The following IKZF1 variants were observed in gnomAD, a reference collection of about 807,000 sequenced individuals.
IKZF1 encodes DNA-binding protein Ikaros.
IKZF1 carries 10 observed loss-of-function variants against 51.7 expected under a neutral mutation model. That is an observed-to-expected ratio of 0.19 (90% CI 0.12 to 0.33). The LOEUF (loss-of-function observed/expected upper bound fraction) is 0.33. Ranked by LOEUF, IKZF1 falls within the 10% of genes least tolerant of loss-of-function variation. The probability of loss-of-function intolerance (pLI) is 1.00; values close to 1 mark genes in which losing one functional copy is unlikely to be tolerated. For synonymous variants in IKZF1, 280 were observed against 282.3 expected (o/e 0.99, Z 0.08); for missense variants, 484 against 707.5 (o/e 0.68, Z 3.58).
intron 3 of IKZF1, among the ~76,000 whole-genome samples, chr7:50,335,239 G>T (rs1399707767): frequency 6.7e-6 from 1 of 148,820 alleles, no homozygotes; most frequent in African/African-American, 2.5e-5. Context: ...TGTGTGAGAT[G>T]TGTGGTGTGT....
intron 2 of IKZF1, among the ~76,000 whole-genome samples, chr7:50,319,476 A>T (rs1035489316): frequency 1.3e-5 from 2 of 152,216 alleles, no homozygotes; most frequent in African/African-American, 4.8e-5. Context: ...GGGCACAGTC[A>T]TGACTGTTTG....
chr7:50,330,074 G>C (rs1796105304), intron 3 of IKZF1, among the ~76,000 whole-genome samples: 1 of 152,186 alleles, frequency 6.6e-6, no homozygotes. Flanking sequence ...TCCCAGAGCT[G>C]TCTTTTGGTT....
At chr7:50,322,534 C>T (rs1793669781) in intron 2 of IKZF1, among the ~76,000 whole-genome samples, 1 of 152,166 alleles carries the variant, frequency 6.6e-6, no homozygotes, top group African/African-American at 2.4e-5. Flanking sequence ...CCACAGGGTA[C>T]TGAGAAAATG....
chr7:50,327,957 G>A (rs1035961399), intron 3 of IKZF1, 200 bp downstream of exon 3: 29 of 602,194 alleles, frequency 4.8e-5, no homozygotes, highest in African/African-American at 2.8e-4. Flanking sequence ...CAGCATGGCC[G>A]TGAGAGCCAC....
intron 3 of IKZF1, chr7:50,369,512 C>T (rs1407330740): frequency 2.5e-6 from 1 of 398,510 alleles, no homozygotes; most frequent in Non-Finnish European, 4.4e-6. Context: ...TTCTCTCCCA[C>T]TCTCCCCAGT....
intron 6 of IKZF1, among the ~76,000 whole-genome samples, chr7:50,389,118 A>G (rs1480711779): frequency 1.3e-5 from 2 of 152,232 alleles, no homozygotes; most frequent in African/African-American, 4.8e-5. Flanking sequence ...CACTCATTTC[A>G]CTGAGACCTG....
chr7:50,325,432 T>A (rs916015401), intron 2 of IKZF1, among the ~76,000 whole-genome samples: 10 of 152,232 alleles, frequency 6.6e-5, no homozygotes, highest in African/African-American at 2.4e-4. Context: ...TCCCCATTTA[T>A]GAAAGAGGTG....
chr7:50,401,334 A>G lies in IKZF1; in HGVS notation c.*707A>G, dbSNP rs185497570. On this transcript the variant is annotated 3_prime_UTR_variant, in exon 8 of 8. Coordinates refer to ENST00000331340, the MANE Select transcript of IKZF1 (RefSeq NM_006060.6). ...GAGCCTTTGGGATCGTCCTGGATTCACTGGCTTTGCGGAGGCTGCTCAGAT... is the reference window on the plus strand; with the variant it reads ...GAGCCTTTGGGATCGTCCTGGATTCGCTGGCTTTGCGGAGGCTGCTCAGAT... 3.8e-4 allele frequency: 88 copies of G among 229,914 alleles called. No individual in the cohort carries two copies. The East Asian group carries it at 4.4e-3, about 11-fold the overall frequency. The allele number at this position is 229,914 out of a possible 1,614,324, so 14.2% of individuals were successfully genotyped here.
At chr7:50,357,820 T>C (rs1196180249) in intron 3 of IKZF1, among the ~76,000 whole-genome samples, 2 of 152,046 alleles carry the variant, frequency 1.3e-5, no homozygotes, top group Non-Finnish European at 2.9e-5. Context: ...AGGCAACGAG[T>C]TAAGAAATGG....
chr7:50,340,370 A>C (rs1798796337), intron 3 of IKZF1, among the ~76,000 whole-genome samples: 1 of 152,148 alleles, frequency 6.6e-6, no homozygotes, highest in Non-Finnish European at 1.5e-5. Flanking sequence ...GTCGATTTCC[A>C]CTGAAATCAC....
At chr7:50,346,324 A>T (rs1384713307) in intron 3 of IKZF1, among the ~76,000 whole-genome samples, 7 of 152,198 alleles carry the variant, frequency 4.6e-5, no homozygotes, top group Admixed American at 3.9e-4. Context: ...GAGGCAGCCC[A>T]CTTACGGAAG....
intron 4 of IKZF1, among the ~76,000 whole-genome samples, chr7:50,379,311 C>G (rs958869026): frequency 6.6e-6 from 1 of 152,248 alleles, no homozygotes; most frequent in African/African-American, 2.4e-5. Flanking sequence ...TGTTCCTCCT[C>G]CTGCCCATGG....
chr7:50,377,909 G>A (rs1235570544), intron 4 of IKZF1, among the ~76,000 whole-genome samples: 5 of 152,120 alleles, frequency 3.3e-5, no homozygotes, highest in Admixed American at 6.5e-5. Flanking sequence ...GTCTCCCACT[G>A]CAAAACCCAA....
In IKZF1 at chr7:50,400,372, C is replaced by T. The variant is rs1817848862; in HGVS notation, c.1305C>T (p.Tyr435=). 1.2e-6 allele frequency: 2 copies of T among 1,613,130 alleles called. No individual in the cohort carries two copies. Among genetic ancestry groups the T allele is most frequent in the Non-Finnish European group, 8.5e-7 (1 of 1,179,770 alleles). The part of the protein sequence containing the change: ...GLSLKEEHRA[Y]DLLRAASENS... ...CGCTCAAGGAGGAGCACCGCGCCTA[C>T]GACCTGCTGCGCGCCGCCTCCGAGA... Residue 435 remains tyrosine, a synonymous_variant, in exon 8 of 8, where the codon TAC becomes TAT. Coordinates refer to ENST00000331340, the MANE Select transcript of IKZF1 (RefSeq NM_006060.6). This position sits in a 1 kb window ranked among gnomAD's most constrained non-coding sequence, Gnocchi z 5.4.
At chr7:50,323,932 G>T (rs913467068) in intron 2 of IKZF1, among the ~76,000 whole-genome samples, 1 of 152,164 alleles carries the variant, frequency 6.6e-6, no homozygotes, top group Non-Finnish European at 1.5e-5. Flanking sequence ...GAGGAAAGGA[G>T]TCTTAAAAAA....
chr7:50,311,142 T>C (rs1053158223), intron 1 of IKZF1, among the ~76,000 whole-genome samples: 3 of 152,208 alleles, frequency 2.0e-5, no homozygotes, highest in African/African-American at 4.8e-5. Flanking sequence ...TTCCAATTAG[T>C]AGGAAACCAA....
At chr7:50,395,168 A>G (rs1300847968) in intron 7 of IKZF1, among the ~76,000 whole-genome samples, 4 of 152,354 alleles carry the variant, frequency 2.6e-5, no homozygotes, top group South Asian at 2.1e-4. Context: ...ACCAATATTA[A>G]AAGTAGAAAA....
intron 1 of IKZF1, among the ~76,000 whole-genome samples, chr7:50,314,517 T>A (rs1791004072): frequency 6.6e-6 from 1 of 152,376 alleles, no homozygotes. Flanking sequence ...CGCTGTGTAC[T>A]TAGTGGCTTT....
chr7:50,380,901 TCAGA>T (rs1216283082), intron 4 of IKZF1, among the ~76,000 whole-genome samples: 1 of 152,234 alleles, frequency 6.6e-6, no homozygotes, highest in African/African-American at 2.4e-5. Flanking sequence ...GGTTTGTAAC[TCAGA>T]CAGTATAGTT....
Sources: allele counts gnomAD v4.1 joint callset (sites outside exome capture counted in the v4.1 genomes callset), GRCh38; gene constraint gnomAD v4.1.1; non-coding constraint Gnocchi (gnomAD v3.1); transcripts MANE v1.5; gene names NCBI Gene and HGNC (gene_info 2026-07-23, HGNC 2026-07-21).